TYR: variants seen among roughly 807,000 people sequenced by gnomAD.
The protein encoded by TYR is tyrosinase, also known as LB24-AB.
Under a neutral mutation model 51.5 loss-of-function variants are expected in TYR, and 58 were observed. That is an observed-to-expected ratio of 1.13 (90% confidence interval 0.91 to 1.40). TYR has a LOEUF of 1.40. Ranked by LOEUF, TYR falls within the 40% of genes most tolerant of loss-of-function variation. The pLI is 0.00. For synonymous variants in TYR, 263 were observed against 235.2 expected, an observed-to-expected ratio of 1.12 and a Z score of -1.08; for missense variants, 732 against 647.4, an observed-to-expected ratio of 1.13 and a Z score of -1.42.
intron 3 of TYR, among the ~76,000 whole-genome samples, chr11:89,232,884 G>T (rs1485408288): frequency 1.4e-5 from 2 of 143,044 alleles, no homozygotes; most frequent in East Asian, 4.0e-4. Flanking sequence ...GCTGGGGGAG[G>T]GTCTTGCCTT....
chr11:89,273,434 C>T (rs1944614119), intron 3 of TYR, among the ~76,000 whole-genome samples: 1 of 151,842 alleles, frequency 6.6e-6, no homozygotes, highest in Non-Finnish European at 1.5e-5. Context: ...CACAAAACTT[C>T]ACCATCTTAT....
At position 89,191,303 on chromosome 11, in the gene TYR, C is replaced by T. The variant is rs1292504078; in HGVS notation, c.921C>T (p.Ser307=). 1 of 1,613,736 alleles carries T rather than the reference C, an allele frequency of 6.2e-7. No homozygotes were observed. The highest frequency in any genetic ancestry group is 8.5e-7 in the Non-Finnish European group (1 of 1,179,798). ...LRRNPGNHDK[S]RTPRLPSSAD... is the part of the protein sequence containing the mutation. ...GTAATCCTGGAAACCATGACAAATC[C>T]AGAACCCCAAGGCTCCCCTCTTCAG... is the stretch of plus-strand genomic sequence containing the variant. Residue 307 remains serine, a synonymous_variant, in exon 2 of 5, where the codon TCC becomes TCT. Coordinates refer to ENST00000263321, the MANE Select transcript of TYR (RefSeq NM_000372.5).
chr11:89,196,033 T>C (rs985562536), intron 2 of TYR, among the ~76,000 whole-genome samples: 25 of 152,328 alleles, frequency 1.6e-4, no homozygotes, highest in African/African-American at 6.0e-4. Context: ...TTGGGTATGT[T>C]ATTTAACTTC....
intron 3 of TYR, among the ~76,000 whole-genome samples, chr11:89,278,014 C>T (rs1944676403): frequency 6.6e-6 from 1 of 151,652 alleles, no homozygotes; most frequent in African/African-American, 2.4e-5. Flanking sequence ...ATGATTTGGC[C>T]TCAGTTCACC....
chr11:89,220,992 C>T lies in TYR; in HGVS notation c.1037-6831C>T, dbSNP rs75680510. On this transcript the variant is annotated intron_variant, in intron 2 of 4. Transcript: ENST00000263321. ...CTTAAAATAATAAACACTTTAATAA[C>T]ACAAAAACCTTTCTTGAATTTATGG... Among the ~76,000 whole-genome samples the T allele has an allele frequency of 1.5e-3, 231 of 152,308 alleles. 3 individuals carry two copies. Among genetic ancestry groups the T allele is most frequent in the African/African-American group, 5.2e-3 (218 of 41,562 alleles).
At chr11:89,274,977 T>C (rs1309487647) in intron 3 of TYR, among the ~76,000 whole-genome samples, 1 of 151,844 alleles carries the variant, frequency 6.6e-6, no homozygotes, top group Non-Finnish European at 1.5e-5. Flanking sequence ...TCATCATAGA[T>C]ACATCTAAGT....
intron 3 of TYR, among the ~76,000 whole-genome samples, chr11:89,235,898 C>T (rs4753214): frequency 0.58 from 88,521 of 151,924 alleles, 28,153 homozygotes; most frequent in African/African-American, 0.86. Context: ...GATTTAATCA[C>T]TCCACAATAT....
intron 1 of TYR, among the ~76,000 whole-genome samples, 176 bp from the exon 2 acceptor site, chr11:89,191,026 C>T (rs933717630): frequency 2.0e-5 from 3 of 152,110 alleles, no homozygotes. Flanking sequence ...CACGCAATGA[C>T]AAAATCACCT....
chr11:89,209,517 C>A (rs1591156120), intron 2 of TYR, among the ~76,000 whole-genome samples: 1 of 152,332 alleles, frequency 6.6e-6, no homozygotes, highest in East Asian at 1.9e-4. Flanking sequence ...TTAGATTCCA[C>A]CTCTGGGGGC....
chr11:89,241,016 G>A (rs1944186499), intron 3 of TYR, among the ~76,000 whole-genome samples: 1 of 152,160 alleles, frequency 6.6e-6, no homozygotes, highest in Admixed American at 6.6e-5. Flanking sequence ...AGAATTGGTT[G>A]AAGAGTTGTT....
intron 3 of TYR, among the ~76,000 whole-genome samples, chr11:89,277,657 ACTT>A (rs747733097): frequency 4.0e-5 from 6 of 151,568 alleles, no homozygotes; most frequent in Non-Finnish European, 8.9e-5. Context: ...CTAATATTCC[ACTT>A]CTTCAGGGGT....
intron 2 of TYR, among the ~76,000 whole-genome samples, chr11:89,206,341 G>T (rs1271971092): frequency 6.6e-6 from 1 of 152,014 alleles, no homozygotes; most frequent in Non-Finnish European, 1.5e-5. Context: ...AGTTAAAGTG[G>T]CTATATTAAT....
At chr11:89,275,221 C>T (rs1233200965) in intron 3 of TYR, among the ~76,000 whole-genome samples, 1 of 151,916 alleles carries the variant, frequency 6.6e-6, no homozygotes, top group Non-Finnish European at 1.5e-5. Context: ...AATTCTGTCA[C>T]GTAAGGTGAA....
chr11:89,228,844 G>C (rs1944007600), intron 3 of TYR, among the ~76,000 whole-genome samples: 1 of 152,108 alleles, frequency 6.6e-6, no homozygotes, highest in African/African-American at 2.4e-5. Context: ...AAAGTATTCA[G>C]AGGAAGGTCA....
chr11:89,267,449 G>C (rs953874368), intron 3 of TYR, among the ~76,000 whole-genome samples: 1 of 151,902 alleles, frequency 6.6e-6, no homozygotes, highest in Non-Finnish European at 1.5e-5. Flanking sequence ...TTCCTTAAGG[G>C]AAGGACTCTG....
At position 89,178,579 on chromosome 11, in the gene TYR, C is replaced by T. The variant is rs746581409; in HGVS notation, c.626C>T (p.Pro209Leu). Residue 209 changes from proline (P) to leucine (L), a missense_variant, in exon 1 of 5, where the codon CCT becomes CTT. Physicochemically the swap from Pro to Leu is moderately conservative, Grantham distance 98. Transcript: ENST00000263321. ...DFAHEAPAFL[P>L]WHRLFLLRWE... ...GCCCATGAAGCACCAGCTTTTCTGCCTTGGCATAGACTCTTCTTGTTGCGG... is the reference window on the plus strand; with the variant it reads ...GCCCATGAAGCACCAGCTTTTCTGCTTTGGCATAGACTCTTCTTGTTGCGG... The T allele has an allele frequency of 1.9e-5, 31 of 1,614,006 alleles. No individual in the cohort carries two copies. The highest frequency in any genetic ancestry group is 2.6e-5 in the Non-Finnish European group (31 of 1,180,010).
chr11:89,226,744 C>T (rs1482005503), intron 2 of TYR, among the ~76,000 whole-genome samples: 1 of 151,998 alleles, frequency 6.6e-6, no homozygotes. Context: ...TGTCTTTTTT[C>T]ACTGTTTCTG....
chr11:89,290,528 T>C (rs139132294), intron 4 of TYR, among the ~76,000 whole-genome samples: 288 of 152,156 alleles, frequency 1.9e-3, no homozygotes, highest in African/African-American at 6.5e-3. Context: ...CTAACAGCAA[T>C]TTAAGCTAAG....
In TYR at chr11:89,178,763, C is replaced by T. The variant is rs1398673169; in HGVS notation, c.810C>T (p.Ser270=). 1 of 1,614,078 alleles carries T rather than the reference C, an allele frequency of 6.2e-7. No homozygotes were observed. The highest frequency in any genetic ancestry group is 8.5e-7 in the Non-Finnish European group (1 of 1,180,018). ...TACTCAGCCCAGCATCATTCTTCTCCTCTTGGCAGGTAAGATATGCTAGAT... is the reference window on the plus strand; with the variant it reads ...TACTCAGCCCAGCATCATTCTTCTCTTCTTGGCAGGTAAGATATGCTAGAT... ...PNLLSPASFF[S]SWQIVCSRLE... Residue 270 remains serine (S), a synonymous_variant, in exon 1 of 5, where the codon TCC becomes TCT. Coordinates refer to ENST00000263321, the MANE Select transcript of TYR (RefSeq NM_000372.5).
Sources: gnomAD v4.1 joint callset for allele counts (sites outside exome capture counted in the v4.1 genomes callset) on GRCh38, gnomAD v4.1.1 for gene constraint, MANE v1.5 for transcripts, NCBI Gene and HGNC (gene_info 2026-07-23, HGNC 2026-07-21) for gene names.